The following SH3BP4 variants were observed in gnomAD, a reference collection of about 807,000 sequenced individuals.
SH3BP4 encodes the protein SH3 domain binding protein 4, also known as SH3 domain-binding protein 4.
SH3BP4 carries 33 observed loss-of-function variants against 65.5 expected under a neutral mutation model. The ratio of observed to expected loss-of-function variants is 0.50; its 90% CI spans 0.38 to 0.67. SH3BP4 has a LOEUF of 0.67. Among genes scored for constraint, SH3BP4 ranks in the 30% least tolerant of loss-of-function variants. The pLI is 0.00. For missense variants in SH3BP4, 1,134 were observed against 1,261.4 expected (o/e 0.90, Z 1.53); for synonymous variants, 552 against 545.5 (o/e 1.01, Z -0.17).
intron 1 of SH3BP4, among the ~76,000 whole-genome samples, chr2:234,975,891 T>A (rs929751858): frequency 6.6e-6 from 1 of 152,062 alleles, no homozygotes; most frequent in Non-Finnish European, 1.5e-5. Context: ...AAATAAAAAA[T>A]AAATAAAAGT....
chr2:234,973,387 A>G (rs2106249098), intron 1 of SH3BP4, among the ~76,000 whole-genome samples: 1 of 152,196 alleles, frequency 6.6e-6, no homozygotes, highest in African/African-American at 2.4e-5. Context: ...TTCCCTTCCA[A>G]TCTTCCTTGC....
In SH3BP4 at chr2:235,038,372, TATACATATATATATATATATATATA is replaced by T. The variant is rs1695506408; in HGVS notation, c.119-2515_119-2491del. Among the ~76,000 whole-genome samples, 9 of 46,634 alleles carry T rather than the reference TATACATATATATATATATATATATA, an allele frequency of 1.9e-4. No individual in the cohort carries two copies. In the South Asian group the frequency reaches 4.2e-3, roughly 22 times the overall value. 30.6% of individuals were successfully genotyped at this position (46,634 alleles called of 152,430 possible). On this transcript the variant is annotated intron_variant, in intron 3 of 5. Coordinates refer to ENST00000392011, the MANE Select transcript of SH3BP4 (RefSeq NM_014521.3). ...ATTTTATATATATATATATAATATA[TATACATATATATATATATATATATA>T]TATATATATATATATATATGAGGTA...
intron 4 of SH3BP4, among the ~76,000 whole-genome samples, chr2:235,051,243 C>T (rs571216192): frequency 1.3e-5 from 2 of 152,110 alleles, no homozygotes; most frequent in Non-Finnish European, 2.9e-5. Flanking sequence ...GCTTGCATGA[C>T]ACCCAGTGGC....
Position 235,055,515 on chromosome 2 carries a change from G to A in SH3BP4, c.*1699G>A, listed in dbSNP as rs1696197252. The A allele has an allele frequency of 6.6e-6, 1 of 152,590 alleles. No individual in the cohort carries two copies. Among genetic ancestry groups the A allele is most frequent in the Non-Finnish European group, 1.5e-5 (1 of 68,020 alleles). The allele number at this position is 152,590 out of a possible 1,614,324, so 9.5% of individuals were successfully genotyped here. On this transcript the variant is annotated 3_prime_UTR_variant, in exon 6 of 6. Coordinates refer to ENST00000392011, the MANE Select transcript of SH3BP4 (RefSeq NM_014521.3). ...CATCTATCACCTTTTCCCCAAAGAA[G>A]AAACAAAACCAGTTGCACCTTAAAC...
At chr2:235,011,833 A>G (rs535449792) in intron 2 of SH3BP4, among the ~76,000 whole-genome samples, 4 of 152,158 alleles carry the variant, frequency 2.6e-5, no homozygotes, top group Non-Finnish European at 5.9e-5. Context: ...ATTCATATAC[A>G]AGGAGATGGA....
chr2:235,052,029 T>C lies in SH3BP4; in HGVS notation c.2479-533T>C, dbSNP rs1434891418. Among the ~76,000 whole-genome samples the C allele has an allele frequency of 6.6e-6, 1 of 152,018 alleles. No homozygotes were observed. Among genetic ancestry groups the C allele is most frequent in the Non-Finnish European group, 1.5e-5 (1 of 67,992 alleles). ...CTGTCACCATTCAGGAGGCCACAGG[T>C]CTCAGTCAGGGGTCCCAGGGTGGCC... On this transcript the variant is annotated intron_variant, in intron 4 of 5. Coordinates refer to ENST00000392011, the MANE Select transcript of SH3BP4 (RefSeq NM_014521.3). This position sits in a 1 kb window ranked among gnomAD's most constrained non-coding sequence, Gnocchi z 5.0.
intron 1 of SH3BP4, among the ~76,000 whole-genome samples, chr2:234,984,622 A>G (rs1693490497): frequency 6.6e-6 from 1 of 152,116 alleles, no homozygotes. Flanking sequence ...ATTTCTAACA[A>G]TCCGTAACAG....
intron 1 of SH3BP4, among the ~76,000 whole-genome samples, chr2:234,993,562 A>T (rs1444944730): frequency 6.6e-6 from 1 of 152,220 alleles, no homozygotes; most frequent in Non-Finnish European, 1.5e-5. Context: ...GGTAGAGGAA[A>T]TGGGAGAAGT....
intron 1 of SH3BP4, among the ~76,000 whole-genome samples, chr2:234,972,480 G>A (rs1644189669): frequency 6.6e-6 from 1 of 151,858 alleles, no homozygotes; most frequent in South Asian, 2.1e-4. Context: ...GGAGGAGGGA[G>A]GAGGGAAGCT....
chr2:235,002,585 G>T (rs1431599129), intron 2 of SH3BP4, among the ~76,000 whole-genome samples: 1 of 152,182 alleles, frequency 6.6e-6, no homozygotes, highest in Admixed American at 6.5e-5. Flanking sequence ...AAATTAGCCA[G>T]TCGTGCTGGT....
rs557802558 is a variant in SH3BP4, at chr2:234,988,249, C to T, written c.-206-7054C>T. On this transcript the variant is annotated intron_variant, in intron 1 of 5. Transcript: ENST00000392011. ...TAATTTTTTGTATTTTTAGTAGAGA[C>T]AGGGTTTCACCGTGTTAGCCAGGAT... 7.2e-5 allele frequency among the ~76,000 whole-genome samples: 11 copies of T among 152,212 alleles called. No homozygotes were observed. The East Asian group carries it at 1.4e-3, about 19-fold the overall frequency.
chr2:235,013,567 C>G (rs927878707), intron 2 of SH3BP4, among the ~76,000 whole-genome samples: 3 of 151,146 alleles, frequency 2.0e-5, no homozygotes, highest in African/African-American at 7.3e-5. Flanking sequence ...TTGGGCCCCA[C>G]CAGGAGGAAC....
chr2:235,009,278 C>T (rs1207095223), intron 2 of SH3BP4, among the ~76,000 whole-genome samples: 2 of 152,182 alleles, frequency 1.3e-5, no homozygotes, highest in African/African-American at 4.8e-5. Flanking sequence ...TGCCGTGGGC[C>T]TCCACTCTGC....
intron 1 of SH3BP4, among the ~76,000 whole-genome samples, chr2:234,988,221 G>C (rs192187572): frequency 2.0e-5 from 3 of 151,986 alleles, no homozygotes; most frequent in Non-Finnish European, 4.4e-5. Context: ...CACCACGCCT[G>C]GCTAATTTTT....
intron 2 of SH3BP4, among the ~76,000 whole-genome samples, chr2:235,032,430 C>T (rs1175418714): frequency 6.6e-6 from 1 of 152,226 alleles, no homozygotes; most frequent in African/African-American, 2.4e-5. Context: ...TGCATCGATT[C>T]TCTTCAGTAA....
chr2:234,980,742 G>T (rs1354306771), intron 1 of SH3BP4, among the ~76,000 whole-genome samples: 1 of 152,088 alleles, frequency 6.6e-6, no homozygotes, highest in Non-Finnish European at 1.5e-5. Context: ...TTTTCACTTG[G>T]GGGGATGGTC....
At position 234,969,940 on chromosome 2, in the gene SH3BP4, C is replaced by T. The variant is rs1470219527; in HGVS notation, c.-207+17770C>T. 3.3e-5 allele frequency among the ~76,000 whole-genome samples: 5 copies of T among 151,268 alleles called. No homozygotes were observed. The East Asian group carries it at 7.7e-4, about 23-fold the overall frequency. ...TGTCACACACACACATTTGCATACA[C>T]ACACACTCCCTGTCTCTCACACACA... On this transcript the variant is annotated intron_variant, in intron 1 of 5. Coordinates refer to ENST00000392011, the MANE Select transcript of SH3BP4 (RefSeq NM_014521.3).
In SH3BP4 at chr2:235,043,056, A is replaced by C. The variant is rs1454925599; in HGVS notation, c.2287A>C (p.Met763Leu). Residue 763 changes from methionine (M) to leucine (L), a missense_variant, in exon 4 of 6, where the codon ATG (methionine) becomes CTG (leucine). Physicochemically the swap from Met to Leu is conservative, Grantham distance 15 (BLOSUM62 2). Transcript: ENST00000392011. ...YIYASVRTLLMENISSWRSFA... is the reference protein window; with the variant it reads ...YIYASVRTLLLENISSWRSFA... ...CTATGCCTCCGTGAGGACCCTGCTC[A>C]TGGAGAACATCAGCAGCTGGCGCTC... The C allele has an allele frequency of 1.2e-6, 2 of 1,612,886 alleles. No homozygotes were observed. The highest frequency in any genetic ancestry group is 1.3e-5 in the African/African-American group (1 of 74,920).
At chr2:235,012,057 C>T (rs779085776) in intron 2 of SH3BP4, among the ~76,000 whole-genome samples, 2 of 152,336 alleles carry the variant, frequency 1.3e-5, no homozygotes, top group Non-Finnish European at 2.9e-5. Flanking sequence ...GGGGCTGGTG[C>T]CCGCACACTC....
Sources: gnomAD v4.1 joint callset for allele counts (sites outside exome capture counted in the v4.1 genomes callset) on GRCh38, gnomAD v4.1.1 for gene constraint, Gnocchi (gnomAD v3.1) non-coding constraint, MANE v1.5 for transcripts, NCBI Gene and HGNC (gene_info 2026-07-23, HGNC 2026-07-21) for gene names.